Variants in DAPK1 observed in about 807,000 individuals in gnomAD.
DAPK1 encodes death-associated protein kinase 1.
A neutral mutation model predicts 144.9 loss-of-function variants in DAPK1; 56 were observed. That is an observed-to-expected ratio of 0.39 (90% CI 0.31 to 0.48). The LOEUF (loss-of-function observed/expected upper bound fraction) is 0.48, where lower values mean the gene tolerates loss of function less well. DAPK1 is among the 20% of genes least tolerant of loss of function. DAPK1 has a pLI of 0.95. For synonymous variants in DAPK1, 690 were observed against 749.0 expected, an observed-to-expected ratio of 0.92 and a Z score of 1.29; for missense variants, 1,454 against 1,875.4, an observed-to-expected ratio of 0.78 and a Z score of 4.15.
At chr9:87,545,103 C>T (rs1826195059) in intron 2 of DAPK1, among the ~76,000 whole-genome samples, 1 of 152,192 alleles carries the variant, frequency 6.6e-6, no homozygotes, top group African/African-American at 2.4e-5. Context: ...TCAGCTATCC[C>T]TGCACTTTGC....
rs535970738 is a variant in DAPK1 at position 87,686,080 on chromosome 9, A to C, written c.2225-471A>C. Among the ~76,000 whole-genome samples the C allele has an allele frequency of 6.6e-6, 1 of 152,336 alleles. No individual in the cohort carries two copies. The highest frequency in any genetic ancestry group is 2.1e-4 in the South Asian group (1 of 4,832). On this transcript the variant is annotated intron_variant, in intron 20 of 25. Coordinates refer to ENST00000408954, the MANE Select transcript of DAPK1 (RefSeq NM_004938.4). The surrounding 1 kb of genome is among the most constrained non-coding windows in gnomAD (Gnocchi z 4.2). Reference sequence around the variant, plus strand: ...TAATGCTATGGCCTGCTACTGTCTGAAATCATTTTCCATTTAACCTGCAAT... The same window carrying C: ...TAATGCTATGGCCTGCTACTGTCTGCAATCATTTTCCATTTAACCTGCAAT...
chr9:87,707,556 A>G lies in DAPK1; in HGVS notation c.*192A>G. On this transcript the variant is annotated 3_prime_UTR_variant, in exon 26 of 26. Coordinates refer to ENST00000408954, the MANE Select transcript of DAPK1 (RefSeq NM_004938.4). The surrounding 1 kb of genome is among the most constrained non-coding windows in gnomAD (Gnocchi z 4.0). ...CCCCGTCTCATTCCGTTGTCTGTGG[A>G]TGGTCATTGCAGTTTAAGAGCAGAA... 1.7e-6 allele frequency: 1 copy of G among 593,556 alleles called. No homozygotes were observed. Among genetic ancestry groups the G allele is most frequent in the Non-Finnish European group, 3.0e-6 (1 of 334,482 alleles). The allele number at this position is 593,556 out of a possible 1,614,324, so 36.8% of individuals were successfully genotyped here.
rs776970342 is a variant in DAPK1, at chr9:87,639,482, C to T, written c.552C>T (p.Val184=). The T allele has an allele frequency of 6.8e-6, 11 of 1,610,786 alleles. No homozygotes were observed. The highest frequency in any genetic ancestry group is 1.1e-5 in the South Asian group (1 of 89,922). The change falls in exon 5 of 26, where the codon GTC becomes GTT. Residue 184 remains valine (V), a splice_region_variant and synonymous_variant. Transcript: ENST00000408954. The stretch of plus-strand genomic sequence containing the variant: ...ACATATTTGGGACTCCAGAGTTTGT[C>T]GGTAAGTTTCTTTGCTCCTGTGGTC... ...FKNIFGTPEF[V]APEIVNYEPL...
chr9:87,704,475 C>T (rs574171933), intron 25 of DAPK1, among the ~76,000 whole-genome samples: 30 of 152,280 alleles, frequency 2.0e-4, no homozygotes, highest in Non-Finnish European at 3.8e-4. Context: ...TGATTGGCCC[C>T]GGGCCTCCTC....
At chr9:87,556,347 T>C (rs1170087017) in intron 2 of DAPK1, among the ~76,000 whole-genome samples, 6 of 152,200 alleles carry the variant, frequency 3.9e-5, no homozygotes, top group Non-Finnish European at 5.9e-5. Context: ...CAAGCTTCCT[T>C]TGTCAAAGCT....
At chr9:87,510,429 C>T (rs779242944) in intron 2 of DAPK1, among the ~76,000 whole-genome samples, 1 of 152,216 alleles carries the variant, frequency 6.6e-6, no homozygotes, top group Admixed American at 6.5e-5. Context: ...GAAGGAAATA[C>T]ACATGCGAAA....
At chr9:87,605,365 A>G (rs1306954384) in intron 3 of DAPK1, among the ~76,000 whole-genome samples, 190 bp downstream of exon 3, 1 of 152,200 alleles carries the variant, frequency 6.6e-6, no homozygotes, top group African/African-American at 2.4e-5. Context: ...AACAAACTCT[A>G]AAGAGCAACT....
At chr9:87,620,333 C>G (rs1043573703) in intron 3 of DAPK1, among the ~76,000 whole-genome samples, 8 of 152,328 alleles carry the variant, frequency 5.3e-5, no homozygotes, top group Admixed American at 1.3e-4. Flanking sequence ...ATCGCTTCCT[C>G]CTCCTCAAAC....
At chr9:87,702,889 G>A (rs528090568) in intron 24 of DAPK1, 140 bp from the exon 25 acceptor site, 18 of 599,386 alleles carry the variant, frequency 3.0e-5, no homozygotes, top group Admixed American at 1.4e-4. Context: ...AAAAAAAAAC[G>A]TCAACAACAA....
At chr9:87,663,654 C>G (rs1587824396) in intron 18 of DAPK1, among the ~76,000 whole-genome samples, 1 of 152,196 alleles carries the variant, frequency 6.6e-6, no homozygotes, top group Non-Finnish European at 1.5e-5. Flanking sequence ...TCCCCCTGGC[C>G]CTCTCTGGCC....
chr9:87,547,386 A>T (rs1826288280), intron 2 of DAPK1, among the ~76,000 whole-genome samples: 1 of 152,194 alleles, frequency 6.6e-6, no homozygotes, highest in African/African-American at 2.4e-5. Flanking sequence ...AGTGGTGGAC[A>T]TGTTCTGTAT....
chr9:87,554,042 G>A (rs985975635), intron 2 of DAPK1: 1 of 151,180 alleles, frequency 6.6e-6, no homozygotes, highest in African/African-American at 2.4e-5. Flanking sequence ...TGAGAGCTAT[G>A]TGCTCCCCTT....
At chr9:87,634,683 A>G (rs1317629306) in intron 3 of DAPK1, among the ~76,000 whole-genome samples, 3 of 152,206 alleles carry the variant, frequency 2.0e-5, no homozygotes, top group Non-Finnish European at 2.9e-5. Context: ...AATGTGGAAC[A>G]CCATGGCAGG....
At chr9:87,698,622 C>CTT in intron 22 of DAPK1, 34 bp from the exon 23 acceptor site, 1 of 1,509,624 alleles carries the variant, frequency 6.6e-7, no homozygotes, top group Non-Finnish European at 9.2e-7. Flanking sequence ...GTAGGAGGAC[C>CTT]CACCCCCTGA....
intron 2 of DAPK1, among the ~76,000 whole-genome samples, chr9:87,560,421 G>A (rs1408133996): frequency 6.6e-6 from 1 of 152,168 alleles, no homozygotes; most frequent in African/African-American, 2.4e-5. Flanking sequence ...ATATCACATT[G>A]TTGCGTGACA....
intron 2 of DAPK1, among the ~76,000 whole-genome samples, chr9:87,550,854 GT>G (rs747758456): frequency 1.3e-5 from 2 of 152,218 alleles, no homozygotes; most frequent in Non-Finnish European, 2.9e-5. Flanking sequence ...GATGGGTGCC[GT>G]TTTTGGCTGT....
chr9:87,672,049 G>A (rs895165268), intron 19 of DAPK1, among the ~76,000 whole-genome samples: 1 of 152,196 alleles, frequency 6.6e-6, no homozygotes, highest in Non-Finnish European at 1.5e-5. Flanking sequence ...TCAAATGGTT[G>A]AGTCAGCTGC....
intron 2 of DAPK1, among the ~76,000 whole-genome samples, chr9:87,575,431 G>T (rs1250492875): frequency 6.6e-6 from 1 of 152,064 alleles, no homozygotes; most frequent in African/African-American, 2.4e-5. Flanking sequence ...CAGAAGGAGT[G>T]CATGGGTCTG....
intron 19 of DAPK1, among the ~76,000 whole-genome samples, chr9:87,680,065 T>C (rs1824548110): frequency 6.6e-6 from 1 of 151,582 alleles, no homozygotes; most frequent in African/African-American, 2.4e-5. Flanking sequence ...TTTATGTGTT[T>C]AGTAATATAT....
Sources: allele counts gnomAD v4.1 joint callset (sites outside exome capture counted in the v4.1 genomes callset), GRCh38; gene constraint gnomAD v4.1.1; non-coding constraint Gnocchi (gnomAD v3.1); transcripts MANE v1.5; gene names NCBI Gene and HGNC (gene_info 2026-07-23, HGNC 2026-07-21).